EEIG1: variants seen among roughly 807,000 people sequenced by gnomAD.
EEIG1 encodes estrogen-induced osteoclastogenesis regulator 1.
At chr9:127,951,814 C>CAAA in the EEIG1 span, among the ~76,000 whole-genome samples, 10 of 109,186 alleles carry the variant, frequency 9.2e-5, no homozygotes, top group Admixed American at 3.9e-4. Flanking sequence ...GACTCCATCT[C>CAAA]AAAAAAAAAA....
chr9:127,980,392 G>A, the EEIG1 span: 1 of 402,182 alleles, frequency 2.5e-6, no homozygotes, highest in South Asian at 3.1e-5. Context: ...TCACCGGCAT[G>A]TAAACAGCAG....
At chr9:127,955,856 G>A in the EEIG1 span, among the ~76,000 whole-genome samples, 1 of 152,260 alleles carries the variant, frequency 6.6e-6, no homozygotes, top group Non-Finnish European at 1.5e-5. Flanking sequence ...CAAGGGTCAA[G>A]AGGGCAGGCA....
At chr9:127,979,404 C>A in the EEIG1 span, among the ~76,000 whole-genome samples, 1 of 152,268 alleles carries the variant, frequency 6.6e-6, no homozygotes, top group Non-Finnish European at 1.5e-5. Flanking sequence ...CAAAACCAAA[C>A]TCAACGGAGC....
At chr9:127,959,776 G>A in the EEIG1 span, among the ~76,000 whole-genome samples, 1 of 152,206 alleles carries the variant, frequency 6.6e-6, no homozygotes, top group Non-Finnish European at 1.5e-5. Context: ...GTGGGACTGT[G>A]AGTCAATTAA....
At chr9:127,971,841 G>A in the EEIG1 span, among the ~76,000 whole-genome samples, 64 of 152,320 alleles carry the variant, frequency 4.2e-4, no homozygotes, top group African/African-American at 1.5e-3. Context: ...TGACTCTTAG[G>A]CTGAGAAGAA....
chr9:127,979,786 C>A, the EEIG1 span, among the ~76,000 whole-genome samples: 3 of 152,136 alleles, frequency 2.0e-5, no homozygotes, highest in Non-Finnish European at 4.4e-5. Flanking sequence ...GGCTGAAAGA[C>A]TAGACCCCCA....
the EEIG1 span, among the ~76,000 whole-genome samples, chr9:127,972,387 C>T: frequency 3.9e-5 from 6 of 152,328 alleles, no homozygotes; most frequent in East Asian, 1.2e-3. The surrounding 1 kb of genome is among the most constrained non-coding windows in gnomAD (Gnocchi z 4.3). Context: ...AGCGGCCATG[C>T]AGGGGCACTG....
the EEIG1 span, among the ~76,000 whole-genome samples, chr9:127,964,301 G>A: frequency 6.6e-6 from 1 of 152,208 alleles, no homozygotes; most frequent in Non-Finnish European, 1.5e-5. Flanking sequence ...TGGTCCCGAG[G>A]TCAGTTCGCT....
the EEIG1 span, among the ~76,000 whole-genome samples, chr9:127,974,753 G>A: frequency 6.6e-6 from 1 of 152,158 alleles, no homozygotes; most frequent in Non-Finnish European, 1.5e-5. Context: ...CCACCTAGCT[G>A]GCAGCTCCAT....
At chr9:127,955,090 G>A in the EEIG1 span, among the ~76,000 whole-genome samples, 3 of 152,198 alleles carry the variant, frequency 2.0e-5, no homozygotes, top group Non-Finnish European at 4.4e-5. Context: ...GGGAAGGGAG[G>A]AGACAGTGTG....
the EEIG1 span, among the ~76,000 whole-genome samples, chr9:127,972,916 G>C: frequency 3.3e-5 from 5 of 152,142 alleles, no homozygotes; most frequent in East Asian, 9.6e-4. This position sits in a 1 kb window ranked among gnomAD's most constrained non-coding sequence, Gnocchi z 4.3. Flanking sequence ...ACTGAGCCAC[G>C]GACAGCAGTC....
chr9:127,948,023 C>A, the EEIG1 span: 10 of 1,573,314 alleles, frequency 6.4e-6, no homozygotes, highest in African/African-American at 1.1e-4. Flanking sequence ...TGGAGGTAAA[C>A]CCCTCGGGCC....
At chr9:127,948,154 C>G in the EEIG1 span, 1 of 1,613,882 alleles carries the variant, frequency 6.2e-7, no homozygotes, top group African/African-American at 1.3e-5. Context: ...GCTGGTCCCA[C>G]CACCCTTACA....
the EEIG1 span, among the ~76,000 whole-genome samples, chr9:127,974,577 C>A: frequency 2.0e-5 from 3 of 152,214 alleles, no homozygotes; most frequent in Non-Finnish European, 4.4e-5. Context: ...AAGGACCATG[C>A]CCAGCCTGAG....
the EEIG1 span, chr9:127,963,839 G>C: frequency 1.3e-5 from 2 of 152,310 alleles, no homozygotes; most frequent in Non-Finnish European, 2.9e-5. Context: ...TGGTTGAGAG[G>C]GGGAGACGGC....
chr9:127,959,566 G>A, the EEIG1 span, among the ~76,000 whole-genome samples: 1 of 152,208 alleles, frequency 6.6e-6, no homozygotes, highest in Non-Finnish European at 1.5e-5. Flanking sequence ...AAGGGCCTGG[G>A]GGGAGGTGAT....
the EEIG1 span, among the ~76,000 whole-genome samples, chr9:127,971,333 GAGTC>G: frequency 6.6e-6 from 1 of 152,090 alleles, no homozygotes; most frequent in African/African-American, 2.4e-5. Context: ...GCCGTGCTTG[GAGTC>G]AGGCCCCAGC....
At chr9:127,972,440 A>G in the EEIG1 span, 1 of 152,438 alleles carries the variant, frequency 6.6e-6, no homozygotes, top group East Asian at 1.9e-4. The surrounding 1 kb of genome is among the most constrained non-coding windows in gnomAD (Gnocchi z 4.3). Context: ...ACAGACTGTA[A>G]GCACATGCAG....
chr9:127,942,750 C>G, the EEIG1 span: 2 of 200,042 alleles, frequency 1.0e-5, no homozygotes, highest in Non-Finnish European at 2.1e-5. Context: ...GGCCCTGCTG[C>G]TAAGACGTGA....
Sources: allele counts gnomAD v4.1 joint callset (sites outside exome capture counted in the v4.1 genomes callset), GRCh38; gene constraint gnomAD v4.1.1; non-coding constraint Gnocchi (gnomAD v3.1); transcripts MANE v1.5; gene names NCBI Gene and HGNC (gene_info 2026-07-23, HGNC 2026-07-21).